Variants in VPS13D observed in about 807,000 individuals in gnomAD.
The protein encoded by VPS13D is vacuolar protein sorting 13 homolog D.
Under a neutral mutation model 461.9 loss-of-function variants are expected in VPS13D, and 187 were observed. The ratio of observed to expected loss-of-function variants is 0.40; its 90% CI spans 0.36 to 0.46. The LOEUF is 0.46. VPS13D is among the 20% of genes least tolerant of loss of function. VPS13D has a pLI of 0.60. For synonymous variants in VPS13D, 1,951 were observed against 1,986.3 expected (o/e 0.98, Z 0.47); for missense variants, 4,711 against 5,364.9 (o/e 0.88, Z 3.81).
In VPS13D at chr1:12,314,216, A is replaced by T. The variant is rs771763284; in HGVS notation, c.7037A>T (p.Tyr2346Phe). Residue 2346 changes from tyrosine (Y) to phenylalanine (F), a missense_variant, in exon 30 of 70, where the codon TAT becomes TTT. Around this residue, in one of 3 missense-constraint regions of VPS13D, gnomAD observed 4,411 missense variants for 4,937.8 expected, o/e 0.89. Transcript: ENST00000620676. ...SHSMMAFDTR[Y>F]AGQKTSPGMT... is the part of the protein sequence containing the mutation. The stretch of plus-strand genomic sequence containing the variant: ...TCCATGATGGCTTTTGACACCCGTT[A>T]TGCTGGGCAGAAGACCAGCCCTGGC... The T allele has an allele frequency of 8.1e-6, 13 of 1,614,146 alleles. No individual in the cohort carries two copies. In the East Asian group the frequency reaches 2.5e-4, roughly 30 times the overall value.
chr1:12,419,251 T>G (rs1570135000), intron 65 of VPS13D, among the ~76,000 whole-genome samples: 1 of 152,338 alleles, frequency 6.6e-6, no homozygotes, highest in Non-Finnish European at 1.5e-5. Context: ...AGTCCTCTGG[T>G]ATGGGAACTT....
In VPS13D at chr1:12,388,876, C is replaced by G. The variant is rs12093887; in HGVS notation, c.11634+2542C>G. 1.2e-4 allele frequency among the ~76,000 whole-genome samples: 19 copies of G among 152,032 alleles called. No individual in the cohort carries two copies. The East Asian group carries it at 3.7e-3, about 29-fold the overall frequency. ...ATGAAAAAAGATATAACATGTTGAC[C>G]CTTGTCATAGGAAATGAGAATGACT... On this transcript the variant is annotated intron_variant, in intron 60 of 69. Transcript: ENST00000620676.
rs745918316 is a variant in VPS13D, at chr1:12,355,916, T to G, written c.9697T>G (p.Phe3233Val). 1 of 1,591,188 alleles carries G rather than the reference T, an allele frequency of 6.3e-7. No homozygotes were observed. Among genetic ancestry groups the G allele is most frequent in the East Asian group, 2.3e-5 (1 of 43,926 alleles). The change falls in exon 48 of 70, where the codon TTC becomes GTC. Residue 3233 changes from phenylalanine (F) to valine (V), a missense_variant. Coordinates refer to ENST00000620676, the MANE Select transcript of VPS13D (RefSeq NM_015378.4). ...TTCTTTAGGGGTATCACTGGAGAAT[T>G]TCCCCCTCTGTAAAGAATTGCTCAT... Reference protein sequence around the residue: ...NIELGVSLENFPLCKELLIPP... With the variant: ...NIELGVSLENVPLCKELLIPP...
At chr1:12,249,617 T>C in intron 6 of VPS13D, 1 of 245,070 alleles carries the variant, frequency 4.1e-6, no homozygotes, top group Non-Finnish European at 7.9e-6. Context: ...TCTCGTGTTA[T>C]GTACACTCCC....
At chr1:12,275,595 C>T (rs1442668723) in intron 18 of VPS13D, among the ~76,000 whole-genome samples, 4 of 152,030 alleles carry the variant, frequency 2.6e-5, no homozygotes, top group Non-Finnish European at 5.9e-5. Flanking sequence ...CAGGGGGCCT[C>T]CAGCTTTTTT....
chr1:12,404,922 T>C (rs1187739430), intron 63 of VPS13D, among the ~76,000 whole-genome samples: 1 of 152,210 alleles, frequency 6.6e-6, no homozygotes, highest in Admixed American at 6.5e-5. Flanking sequence ...TTAAAGATAA[T>C]ACTCAAGACC....
At chr1:12,439,625 G>C (rs1426556217) in intron 65 of VPS13D, among the ~76,000 whole-genome samples, 2 of 152,170 alleles carry the variant, frequency 1.3e-5, no homozygotes, top group Non-Finnish European at 2.9e-5. Flanking sequence ...TCAGTCCATA[G>C]TATATGTAAA....
At chr1:12,342,140 G>A (rs1292653081) in intron 41 of VPS13D, among the ~76,000 whole-genome samples, 2 of 152,170 alleles carry the variant, frequency 1.3e-5, no homozygotes, top group African/African-American at 2.4e-5. Flanking sequence ...AATTAAGGAT[G>A]TGAGCAGGAA....
chr1:12,239,132 T>C (rs1197169993), intron 2 of VPS13D, among the ~76,000 whole-genome samples: 2 of 152,006 alleles, frequency 1.3e-5, no homozygotes, highest in African/African-American at 2.4e-5. Flanking sequence ...TTTGAGTGGA[T>C]CTTTTTTTCT....
intron 65 of VPS13D, among the ~76,000 whole-genome samples, chr1:12,452,071 G>C (rs1645269948): frequency 6.6e-6 from 1 of 152,160 alleles, no homozygotes; most frequent in African/African-American, 2.4e-5. Flanking sequence ...TTTCTATTAT[G>C]CCACATCCAT....
Position 12,298,326 on chromosome 1 carries a change from A to G in VPS13D, c.6034-876A>G, listed in dbSNP as rs184380676. On this transcript the variant is annotated intron_variant, in intron 24 of 69. Coordinates refer to ENST00000620676, the MANE Select transcript of VPS13D (RefSeq NM_015378.4). ...TATGGCCGAGGCATACTCTCAGCCA[A>G]TAGACCACCTGTTCTTATAAAGAGG... Among the ~76,000 whole-genome samples, 69 of 152,310 alleles carry G rather than the reference A, an allele frequency of 4.5e-4. 1 individual carries two copies. The East Asian group carries it at 5.2e-3, about 11-fold the overall frequency.
chr1:12,496,558 A>T (rs1645960222), intron 67 of VPS13D, among the ~76,000 whole-genome samples: 1 of 152,200 alleles, frequency 6.6e-6, no homozygotes, highest in Admixed American at 6.5e-5. Flanking sequence ...TCTAGAGAGG[A>T]GTGTTTTGCT....
chr1:12,283,068 A>G lies in VPS13D; in HGVS notation c.4966A>G (p.Lys1656Glu). Reference sequence around the variant, plus strand: ...TCAGGACTTTGAGGTGGAATTCAGTAAAGACCATCCCCAGACTTTATCTAT... The same window carrying G: ...TCAGGACTTTGAGGTGGAATTCAGTGAAGACCATCCCCAGACTTTATCTAT... The part of the protein sequence containing the change: ...KFQDFEVEFS[K>E]DHPQTLSIQI... Residue 1656 changes from lysine (K) to glutamate (E), a missense_variant, in exon 21 of 70, where the codon AAA becomes GAA. By Grantham distance (56) the Lys-to-Glu change is moderately conservative. Coordinates refer to ENST00000620676, the MANE Select transcript of VPS13D (RefSeq NM_015378.4). The G allele has an allele frequency of 1.9e-6, 3 of 1,614,178 alleles. No homozygotes were observed. Among genetic ancestry groups the G allele is most frequent in the Non-Finnish European group, 2.5e-6 (3 of 1,180,030 alleles).
rs1382673843 is a variant in VPS13D, at chr1:12,234,173, A to G, written c.-76-18A>G. The G allele has an allele frequency of 9.7e-6, 9 of 931,184 alleles. No individual in the cohort carries two copies. 57.7% of individuals were successfully genotyped at this position (931,184 alleles called of 1,614,324 possible). ...TCATCCTGTTTTTATGTTGATTTTC[A>G]TTATTTTCCTTTCATAGATTTTTCT... On this transcript the variant is annotated intron_variant, in intron 1 of 69. Coordinates refer to ENST00000620676, the MANE Select transcript of VPS13D (RefSeq NM_015378.4).
At chr1:12,238,937 A>T (rs1030362610) in intron 2 of VPS13D, among the ~76,000 whole-genome samples, 1 of 151,948 alleles carries the variant, frequency 6.6e-6, no homozygotes, top group Admixed American at 6.6e-5. Flanking sequence ...CCGTCTTGTT[A>T]TTCCACCTCT....
rs115236015 is a variant in VPS13D, at chr1:12,441,347, G to T, written c.12334-14651G>T. Among the ~76,000 whole-genome samples the T allele has an allele frequency of 4.6e-3, 695 of 152,262 alleles. 5 individuals are homozygous for T. Among genetic ancestry groups the T allele is most frequent in the African/African-American group, 0.016 (655 of 41,546 alleles). On this transcript the variant is annotated intron_variant, in intron 65 of 69. Coordinates refer to ENST00000620676, the MANE Select transcript of VPS13D (RefSeq NM_015378.4). Reference sequence around the variant, plus strand: ...TCGAACTGTGTTTCAGGCACTGTCCGGGGCGGGGGACAGGGTACAAAGATG... The same window carrying T: ...TCGAACTGTGTTTCAGGCACTGTCCTGGGCGGGGGACAGGGTACAAAGATG...
chr1:12,234,496 A>G lies in VPS13D; in HGVS notation c.97+133A>G, dbSNP rs1640085402. ...CTAAATGTATGTAAAAAGGTCCCAT[A>G]TCATCCTGATGATTTTTCCAGAGTA... On this transcript the variant is annotated intron_variant, in intron 2 of 69. Transcript: ENST00000620676. 6 of 573,644 alleles carry G rather than the reference A, an allele frequency of 1.0e-5. No individual in the cohort carries two copies. In the Admixed American group the frequency reaches 1.9e-4, roughly 18 times the overall value. 35.5% of individuals were successfully genotyped at this position (573,644 alleles called of 1,614,324 possible). A position where few individuals can be genotyped will look rare whatever the true frequency, so the allele number is the denominator to read the frequency against.
At chr1:12,428,340 T>G (rs1407436917) in intron 65 of VPS13D, among the ~76,000 whole-genome samples, 4 of 152,188 alleles carry the variant, frequency 2.6e-5, no homozygotes, top group Non-Finnish European at 5.9e-5. Flanking sequence ...CAAGGGGGAA[T>G]TACAGCTTCG....
chr1:12,263,324 A>G (rs1641172986), intron 13 of VPS13D, among the ~76,000 whole-genome samples: 1 of 152,184 alleles, frequency 6.6e-6, no homozygotes, highest in African/African-American at 2.4e-5. Context: ...GAGAGCTGAA[A>G]TGAGGAGGCA....
Sources: allele counts gnomAD v4.1 joint callset (sites outside exome capture counted in the v4.1 genomes callset), GRCh38; gene constraint gnomAD v4.1.1; regional missense constraint gnomAD v4.1.1; transcripts MANE v1.5; gene names NCBI Gene and HGNC (gene_info 2026-07-23, HGNC 2026-07-21).